The following FRRS1 variants were observed in gnomAD, a reference collection of about 807,000 sequenced individuals.
FRRS1 encodes ferric chelate reductase 1.
In FRRS1, 51 loss-of-function variants were observed where a neutral mutation model predicts 70.7. The ratio of observed to expected loss-of-function variants is 0.72; its 90% CI spans 0.58 to 0.91. FRRS1 has a LOEUF of 0.91. Ranked by LOEUF, FRRS1 falls within the 40% of genes least tolerant of loss-of-function variation. The pLI, the probability that FRRS1 is intolerant of heterozygous loss-of-function variation, is 0.00. For synonymous variants in FRRS1, 225 were observed against 238.7 expected (o/e 0.94, Z 0.53); for missense variants, 672 against 726.0 (o/e 0.93, Z 0.86).
intron 1 of FRRS1, among the ~76,000 whole-genome samples, chr1:99,749,976 T>C (rs1332523306): frequency 6.6e-6 from 1 of 152,228 alleles, no homozygotes; most frequent in Non-Finnish European, 1.5e-5. Flanking sequence ...TTCTATATCA[T>C]ATATCTGGTC....
At chr1:99,733,072 T>C (rs1393032012) in intron 7 of FRRS1, among the ~76,000 whole-genome samples, 1 of 151,970 alleles carries the variant, frequency 6.6e-6, no homozygotes, top group Non-Finnish European at 1.5e-5. Context: ...TCATCTTGAA[T>C]TCCTGGGCTC....
chr1:99,719,193 G>A (rs1449632874), intron 10 of FRRS1, among the ~76,000 whole-genome samples: 3 of 151,952 alleles, frequency 2.0e-5, no homozygotes, highest in Admixed American at 2.0e-4. Flanking sequence ...GGCAGATCAC[G>A]AGGTCAGGAA....
At position 99,753,357 on chromosome 1, in the gene FRRS1, T is replaced by C. The variant is rs1571152455; in HGVS notation, c.-105-4356A>G. ...GCAACATAACAAGACCCTGTCTTTT[T>C]CTTTTTTTAATAATTTTATAAATTT... On this transcript the variant is annotated intron_variant, in intron 1 of 16. Coordinates refer to ENST00000646001, the MANE Select transcript of FRRS1 (RefSeq NM_001361041.2). 2.0e-5 allele frequency among the ~76,000 whole-genome samples: 3 copies of C among 151,488 alleles called. No homozygotes were observed. The East Asian group carries it at 5.9e-4, about 30-fold the overall frequency.
chr1:99,710,405 A>T (rs1654218081), intron 15 of FRRS1, among the ~76,000 whole-genome samples: 1 of 152,152 alleles, frequency 6.6e-6, no homozygotes, highest in East Asian at 1.9e-4. Context: ...AAATGATAGC[A>T]CCCAGTAAAT....
At chr1:99,761,499 G>T (rs1657111045) in intron 1 of FRRS1, among the ~76,000 whole-genome samples, 1 of 152,050 alleles carries the variant, frequency 6.6e-6, no homozygotes, top group African/African-American at 2.4e-5. Context: ...TGATATACAG[G>T]TTTCATTTGG....
intron 5 of FRRS1, 45 bp from the exon 6 acceptor site, chr1:99,740,985 T>A: frequency 6.4e-7 from 1 of 1,558,010 alleles, no homozygotes; most frequent in Non-Finnish European, 8.8e-7. Flanking sequence ...TTGTGTCCTG[T>A]CACAATCAGA....
intron 4 of FRRS1, among the ~76,000 whole-genome samples, chr1:99,744,263 A>C (rs537452426): frequency 6.6e-6 from 1 of 152,206 alleles, no homozygotes; most frequent in African/African-American, 2.4e-5. Flanking sequence ...AAGCAAAGTC[A>C]TTATATGACA....
chr1:99,749,622 C>A (rs1359683256), intron 1 of FRRS1, among the ~76,000 whole-genome samples: 1 of 152,100 alleles, frequency 6.6e-6, no homozygotes, highest in Non-Finnish European at 1.5e-5. Flanking sequence ...AACAGAGAAC[C>A]AATTGGTAGA....
At chr1:99,739,680 A>G (rs1407137831) in intron 6 of FRRS1, among the ~76,000 whole-genome samples, 1 of 152,244 alleles carries the variant, frequency 6.6e-6, no homozygotes, top group Non-Finnish European at 1.5e-5. Flanking sequence ...ATTAAATGCA[A>G]GACACAGTTA....
intron 10 of FRRS1, among the ~76,000 whole-genome samples, chr1:99,717,895 T>C (rs1654613720): frequency 6.6e-6 from 1 of 152,206 alleles, no homozygotes; most frequent in African/African-American, 2.4e-5. Context: ...ACAAACCCTA[T>C]CTGGTTTCAG....
intron 15 of FRRS1, 44 bp downstream of exon 15, chr1:99,710,762 G>A: frequency 6.4e-7 from 1 of 1,569,676 alleles, no homozygotes; most frequent in Non-Finnish European, 8.7e-7. Context: ...CCAATGGTTT[G>A]TATAGAAGTG....
intron 7 of FRRS1, among the ~76,000 whole-genome samples, chr1:99,730,682 A>G (rs777029550): frequency 1.3e-5 from 2 of 152,156 alleles, no homozygotes; most frequent in Non-Finnish European, 2.9e-5. Flanking sequence ...CCTGGCTAAC[A>G]TGGTGAAACC....
At position 99,766,619 on chromosome 1, in the gene FRRS1, A is replaced by G. The variant is rs1308285031; in HGVS notation, c.-118T>C. ...ACGTGACACTTACCTTGAGAAGCGA[A>G]GGCAGCCTAACCAACTTCCGGTTTT... is the stretch of plus-strand genomic sequence containing the variant. On this transcript the variant is annotated 5_prime_UTR_variant, in exon 1 of 17. Coordinates refer to ENST00000646001, the MANE Select transcript of FRRS1 (RefSeq NM_001361041.2). The G allele has an allele frequency of 6.6e-6, 1 of 152,218 alleles. No individual in the cohort carries two copies. Among genetic ancestry groups the G allele is most frequent in the South Asian group, 2.1e-4 (1 of 4,832 alleles). 9.4% of individuals were successfully genotyped at this position (152,218 alleles called of 1,614,324 possible). A position where few individuals can be genotyped will look rare whatever the true frequency, so the allele number is the denominator to read the frequency against.
Position 99,748,772 on chromosome 1 carries a change from A to C in FRRS1, c.1-4T>G, listed in dbSNP as rs754754601. The C allele has an allele frequency of 2.5e-6, 4 of 1,611,060 alleles. No homozygotes were observed. The highest frequency in any genetic ancestry group is 3.4e-6 in the Non-Finnish European group (4 of 1,177,876). ...GAGTAAATCCAGAAACTGCCATCTC[A>C]AAAAGAAGGGTAAAAGCCCATTATT... On this transcript the variant is annotated splice_region_variant and splice_polypyrimidine_tract_variant and intron_variant, in intron 2 of 16. Coordinates refer to ENST00000646001, the MANE Select transcript of FRRS1 (RefSeq NM_001361041.2).
At chr1:99,713,123 T>C (rs1654354668) in intron 12 of FRRS1, among the ~76,000 whole-genome samples, 1 of 152,212 alleles carries the variant, frequency 6.6e-6, no homozygotes, top group Non-Finnish European at 1.5e-5. Context: ...TGCTAGGAAC[T>C]GTCCTAAGTA....
chr1:99,723,275 T>G (rs1300312439), intron 9 of FRRS1, among the ~76,000 whole-genome samples: 1 of 152,154 alleles, frequency 6.6e-6, no homozygotes, highest in Non-Finnish European at 1.5e-5. Flanking sequence ...AACAGGATTT[T>G]TAATAGAATT....
chr1:99,741,119 C>T (rs185150481), intron 5 of FRRS1, among the ~76,000 whole-genome samples, 179 bp from the exon 6 acceptor site: 1 of 152,180 alleles, frequency 6.6e-6, no homozygotes, highest in African/African-American at 2.4e-5. Context: ...GATCACTTGA[C>T]AAATTTTTAT....
chr1:99,751,332 T>C (rs991368343), intron 1 of FRRS1, among the ~76,000 whole-genome samples: 1 of 152,182 alleles, frequency 6.6e-6, no homozygotes, highest in Non-Finnish European at 1.5e-5. Flanking sequence ...CTCCAACTTG[T>C]AGACAACAGA....
chr1:99,715,355 T>C (rs1222036669), intron 12 of FRRS1, among the ~76,000 whole-genome samples: 1 of 152,196 alleles, frequency 6.6e-6, no homozygotes, highest in Non-Finnish European at 1.5e-5. Flanking sequence ...ATAGCATGTA[T>C]ATAACTCATG....
Sources: allele counts gnomAD v4.1 joint callset (sites outside exome capture counted in the v4.1 genomes callset), GRCh38; gene constraint gnomAD v4.1.1; transcripts MANE v1.5; gene names NCBI Gene and HGNC (gene_info 2026-07-23, HGNC 2026-07-21).